Variants in FBLN7 observed in about 807,000 individuals in gnomAD.
FBLN7 encodes fibulin 7.
A neutral mutation model predicts 44.0 loss-of-function variants in FBLN7; 31 were observed. That is an observed-to-expected ratio of 0.70 (90% CI 0.53 to 0.95). The LOEUF is 0.95. Ranked by LOEUF, FBLN7 falls within the 40% of genes least tolerant of loss-of-function variation. FBLN7 has a pLI of 0.00. For synonymous variants in FBLN7, 262 were observed against 253.4 expected (o/e 1.03, Z -0.32); for missense variants, 573 against 618.5 (o/e 0.93, Z 0.78).
chr2:112,182,990 G>A, intron 6 of FBLN7, 62 bp downstream of exon 6: 1 of 1,586,982 alleles, frequency 6.3e-7, no homozygotes, highest in Non-Finnish European at 8.5e-7. Context: ...GAACCCCCAG[G>A]ACCTCACAGT....
intron 3 of FBLN7, among the ~76,000 whole-genome samples, chr2:112,173,540 G>A (rs568776404): frequency 1.1e-4 from 17 of 151,924 alleles, no homozygotes; most frequent in African/African-American, 4.1e-4. Flanking sequence ...GAAGGAATTA[G>A]AAATAAAAGA....
chr2:112,218,381 T>G, the FBLN7 span, among the ~76,000 whole-genome samples: 5 of 152,172 alleles, frequency 3.3e-5, no homozygotes, highest in African/African-American at 4.8e-5. Context: ...ACTGTTTGCC[T>G]TATTGAGTAT....
chr2:112,175,738 C>CGGCT lies in FBLN7; in HGVS notation c.431_432insGGCT (p.Cys145AlafsTer86). ...GGTATCAGTGAATGCTCCAGCCAGC[C>CGGCT]TTGTCAAAATGGTGGTACATGTGTA... On this transcript the variant is annotated frameshift_variant, in exon 4 of 8. Transcript: ENST00000331203. LOFTEE classifies it high-confidence loss of function. 6.2e-7 allele frequency: 1 copy of CGGCT among 1,614,206 alleles called. No individual in the cohort carries two copies. Among genetic ancestry groups the CGGCT allele is most frequent in the Non-Finnish European group, 8.5e-7 (1 of 1,180,032 alleles).
chr2:112,184,623 TA>T (rs549350810), intron 6 of FBLN7, among the ~76,000 whole-genome samples: 2 of 130,358 alleles, frequency 1.5e-5, no homozygotes, highest in Non-Finnish European at 3.3e-5. Flanking sequence ...GATTCTAATT[TA>T]AAAAAAGTGT....
the FBLN7 span, among the ~76,000 whole-genome samples, chr2:112,209,152 T>C: frequency 5.3e-5 from 8 of 152,344 alleles, no homozygotes; most frequent in African/African-American, 1.9e-4. Context: ...ATAAAGAAAC[T>C]AAGTTTCAGA....
At chr2:112,162,898 C>A (rs549813692) in intron 2 of FBLN7, among the ~76,000 whole-genome samples, 2 of 151,898 alleles carry the variant, frequency 1.3e-5, no homozygotes, top group Admixed American at 6.6e-5. Context: ...AACTCTTTAA[C>A]GCAATAAAGT....
At chr2:112,200,067 C>A in the FBLN7 span, among the ~76,000 whole-genome samples, 5 of 152,288 alleles carry the variant, frequency 3.3e-5, no homozygotes, top group South Asian at 1.0e-3. Context: ...CCCCCATATG[C>A]AACCTCTTTT....
intron 5 of FBLN7, among the ~76,000 whole-genome samples, chr2:112,182,265 C>G (rs1475128591): frequency 6.6e-6 from 1 of 152,176 alleles, no homozygotes; most frequent in Non-Finnish European, 1.5e-5. Flanking sequence ...CCTTGGTCCC[C>G]TCTGGGCTTA....
intron 1 of FBLN7, among the ~76,000 whole-genome samples, chr2:112,148,346 A>C (rs1056114813): frequency 6.6e-6 from 1 of 152,206 alleles, no homozygotes; most frequent in Non-Finnish European, 1.5e-5. Flanking sequence ...TAGAGATTTT[A>C]ATACTAATGC....
chr2:112,196,371 CTTCTTTTTTTTTTTTTT>C, the FBLN7 span, among the ~76,000 whole-genome samples: 1 of 115,624 alleles, frequency 8.6e-6, no homozygotes, highest in African/African-American at 3.4e-5. Flanking sequence ...TCTTCTTCTT[CTTCTTTTTTTTTTTTTT>C]TTTTTTTTTT....
intron 4 of FBLN7, among the ~76,000 whole-genome samples, chr2:112,180,779 C>T (rs1229532897): frequency 6.6e-6 from 1 of 151,692 alleles, no homozygotes; most frequent in Non-Finnish European, 1.5e-5. Flanking sequence ...AAAAATTTGC[C>T]CGGTGTGGTG....
At chr2:112,144,618 G>A (rs1680816833) in intron 1 of FBLN7, among the ~76,000 whole-genome samples, 2 of 148,666 alleles carry the variant, frequency 1.3e-5, no homozygotes, top group South Asian at 4.4e-4. Flanking sequence ...TCCGCCTCCC[G>A]GGTTCAAGCG....
chr2:112,176,039 C>T (rs1682723846), intron 4 of FBLN7, 200 bp downstream of exon 4: 2 of 501,192 alleles, frequency 4.0e-6, no homozygotes, highest in Non-Finnish European at 6.5e-6. Context: ...TTGATGCAAC[C>T]AGAGTTTTGA....
Position 112,187,212 on chromosome 2 carries a change from C to G in FBLN7, c.1026C>G (p.Leu342=). Residue 342 remains leucine (L), a synonymous_variant, in exon 8 of 8, where the codon CTC becomes CTG. Transcript: ENST00000331203. The surrounding 1 kb of genome is among the most constrained non-coding windows in gnomAD (Gnocchi z 5.1). The part of the protein sequence containing the change: ...HLPKTISFHY[L]SLPSNLKTPI... Reference sequence around the variant, plus strand: ...CCAAGACCATCTCCTTCCATTACCTCTCTCTGCCTTCCAACCTGAAGACGC... The same window carrying G: ...CCAAGACCATCTCCTTCCATTACCTGTCTCTGCCTTCCAACCTGAAGACGC... The G allele has an allele frequency of 6.2e-7, 1 of 1,614,136 alleles. No homozygotes were observed. Among genetic ancestry groups the G allele is most frequent in the South Asian group, 1.1e-5 (1 of 91,082 alleles).
rs2104614028 is a variant in FBLN7, at chr2:112,187,240, A to G, written c.1054A>G (p.Ile352Val). 6.2e-7 allele frequency: 1 copy of G among 1,614,128 alleles called. No individual in the cohort carries two copies. Among genetic ancestry groups the G allele is most frequent in the Non-Finnish European group, 8.5e-7 (1 of 1,180,020 alleles). The change falls in exon 8 of 8, where the codon ATC (isoleucine) becomes GTC (valine). Residue 352 changes from isoleucine to valine, a missense_variant. By Grantham distance (29) the Ile-to-Val change is conservative. Transcript: ENST00000331203. The surrounding 1 kb of genome is among the most constrained non-coding windows in gnomAD (Gnocchi z 5.1). ...TCTGCCTTCCAACCTGAAGACGCCC[A>G]TCACGCTCTTCCGCATGGCCACAGC... ...LSLPSNLKTP[I>V]TLFRMATASA... is the part of the protein sequence containing the mutation.
intron 5 of FBLN7, 133 bp from the exon 6 acceptor site, chr2:112,182,658 C>G (rs1445340143): frequency 9.2e-7 from 1 of 1,083,238 alleles, no homozygotes; most frequent in African/African-American, 1.6e-5. Context: ...TAGGGCATGG[C>G]GGCTGCCCGA....
At chr2:112,204,130 A>T in the FBLN7 span, among the ~76,000 whole-genome samples, 4 of 152,146 alleles carry the variant, frequency 2.6e-5, no homozygotes, top group East Asian at 3.8e-4. Context: ...GAAACTTTTT[A>T]AAAAAACAAA....
At chr2:112,200,565 C>T in the FBLN7 span, among the ~76,000 whole-genome samples, 24 of 152,268 alleles carry the variant, frequency 1.6e-4, no homozygotes, top group Admixed American at 7.2e-4. Context: ...GACATAGTCT[C>T]GCTCTGTCCC....
chr2:112,160,102 T>C (rs900452468), intron 2 of FBLN7, among the ~76,000 whole-genome samples: 1 of 152,184 alleles, frequency 6.6e-6, no homozygotes, highest in Admixed American at 6.5e-5. Context: ...GCCATTCTCC[T>C]GCCTCAGCCT....
Sources: allele counts gnomAD v4.1 joint callset (sites outside exome capture counted in the v4.1 genomes callset), GRCh38; gene constraint gnomAD v4.1.1; non-coding constraint Gnocchi (gnomAD v3.1); transcripts MANE v1.5; gene names NCBI Gene and HGNC (gene_info 2026-07-23, HGNC 2026-07-21).